WDCP: variants seen among roughly 807,000 people sequenced by gnomAD.
WDCP encodes the protein WD repeat and coiled coil containing.
A neutral mutation model predicts 41.6 loss-of-function variants in WDCP; 19 were observed. The observed-to-expected ratio is 0.46, with a 90% CI of 0.32 to 0.67. WDCP has a LOEUF of 0.67. WDCP is among the 30% of genes least tolerant of loss of function. The probability of loss-of-function intolerance (pLI) is 0.04; values close to 1 mark genes in which losing one functional copy is unlikely to be tolerated. For missense variants in WDCP, 802 were observed against 850.7 expected (o/e 0.94, Z 0.71); for synonymous variants, 302 against 320.8 (o/e 0.94, Z 0.63).
chr2:24,039,590 G>T, intron 1 of WDCP, 78 bp from the exon 2 acceptor site: 2 of 1,308,660 alleles, frequency 1.5e-6, no homozygotes, highest in Non-Finnish European at 2.1e-6. Flanking sequence ...GTAAGACAAC[G>T]GCTTAGCCCC....
At chr2:24,035,629 CTA>C (rs1276070785) in intron 2 of WDCP, among the ~76,000 whole-genome samples, 1 of 152,000 alleles carries the variant, frequency 6.6e-6, no homozygotes, top group Non-Finnish European at 1.5e-5. Flanking sequence ...AAAATCAAAA[CTA>C]TGGCTGGGTG....
At chr2:24,045,631 G>GAGAGAGGAAGGAAGGAAGGAAGGAAGGA (rs1553318652) in intron 1 of WDCP, among the ~76,000 whole-genome samples, 11 of 106,152 alleles carry the variant, frequency 1.0e-4, no homozygotes, top group African/African-American at 1.4e-4. Flanking sequence ...GAGAGAGAGA[G>GAGAGAGGAAGGAAGGAAGGAAGGAAGGA]AGGAAGGAAG....
intron 2 of WDCP, among the ~76,000 whole-genome samples, chr2:24,034,717 G>T (rs1212228924): frequency 6.6e-6 from 1 of 151,942 alleles, no homozygotes; most frequent in Admixed American, 6.6e-5. Context: ...GGGAAAACAG[G>T]TGGGTGCCAT....
chr2:24,038,306 GGTCT>G lies in WDCP; in HGVS notation c.1185_1188del (p.Asp396AsnfsTer4), dbSNP rs1271639531. The G allele has an allele frequency of 1.9e-6, 3 of 1,614,036 alleles. No homozygotes were observed. The highest frequency in any genetic ancestry group is 2.5e-6 in the Non-Finnish European group (3 of 1,180,030). On this transcript the variant is annotated frameshift_variant, in exon 2 of 4. Coordinates refer to ENST00000295148, the MANE Select transcript of WDCP (RefSeq NM_025203.3). LOFTEE classifies it high-confidence loss of function. Reference sequence around the variant, plus strand: ...TTTCCTACCAAAATTAGTAATAGTTGGTCTGTCAAGAAACATATCCCTTTTGGTC... The same window carrying G: ...TTTCCTACCAAAATTAGTAATAGTTGGTCAAGAAACATATCCCTTTTGGTC...
intron 2 of WDCP, among the ~76,000 whole-genome samples, chr2:24,034,543 A>T (rs1663183140): frequency 6.6e-6 from 1 of 152,080 alleles, no homozygotes; most frequent in Middle Eastern, 3.4e-3. Flanking sequence ...ATTATAAACT[A>T]AAAAACTGAG....
At chr2:24,033,023 A>G in intron 2 of WDCP, 77 bp from the exon 3 acceptor site, 8 of 979,360 alleles carry the variant, frequency 8.2e-6, no homozygotes, top group Non-Finnish European at 1.1e-5. Context: ...AGGAATGTGT[A>G]AATAGTTTTT....
At chr2:24,040,883 G>C (rs540057606) in intron 1 of WDCP, among the ~76,000 whole-genome samples, 2 of 152,092 alleles carry the variant, frequency 1.3e-5, no homozygotes, top group East Asian at 3.9e-4. Context: ...AAGTGTGGTG[G>C]TGCATGCCTA....
chr2:24,031,194 A>C (rs1438781323), intron 3 of WDCP, 32 bp from the exon 4 acceptor site: 1 of 1,501,480 alleles, frequency 6.7e-7, no homozygotes. Context: ...CAGGCAATTT[A>C]GTATATATTA....
At chr2:24,045,417 C>A (rs1663580113) in intron 1 of WDCP, among the ~76,000 whole-genome samples, 1 of 151,794 alleles carries the variant, frequency 6.6e-6, no homozygotes, top group South Asian at 2.1e-4. Context: ...CCCTGGCCAA[C>A]ATGGTGAAAC....
intron 1 of WDCP, among the ~76,000 whole-genome samples, chr2:24,044,400 A>G (rs975253208): frequency 1.3e-5 from 2 of 151,906 alleles, no homozygotes; most frequent in African/African-American, 2.4e-5. Flanking sequence ...CTCCCAAGGA[A>G]CTGGGATAGG....
chr2:24,035,647 G>A (rs979835736), intron 2 of WDCP, among the ~76,000 whole-genome samples: 14 of 152,184 alleles, frequency 9.2e-5, no homozygotes, highest in Non-Finnish European at 1.3e-4. Context: ...GGGTGCAGTG[G>A]CTCACACCTG....
At chr2:24,033,028 G>T in intron 2 of WDCP, 82 bp from the exon 3 acceptor site, 3 of 943,488 alleles carry the variant, frequency 3.2e-6, no homozygotes, top group Non-Finnish European at 5.1e-6. Flanking sequence ...TGTGTAAATA[G>T]TTTTTTAAAA....
chr2:24,046,921 T>C (rs1241936946), intron 1 of WDCP, among the ~76,000 whole-genome samples: 1 of 152,118 alleles, frequency 6.6e-6, no homozygotes, highest in Non-Finnish European at 1.5e-5. Context: ...AAATTAGTTT[T>C]AGAGGCCACT....
chr2:24,035,414 A>G (rs1369645946), intron 2 of WDCP, among the ~76,000 whole-genome samples: 1 of 152,148 alleles, frequency 6.6e-6, no homozygotes. Flanking sequence ...AAAGGAGGAA[A>G]GGAGAACAGG....
At chr2:24,034,738 T>C (rs1663191492) in intron 2 of WDCP, among the ~76,000 whole-genome samples, 1 of 152,048 alleles carries the variant, frequency 6.6e-6, no homozygotes, top group South Asian at 2.1e-4. Context: ...CACGGCTGGC[T>C]AATTTTTGTA....
chr2:24,039,825 C>A (rs1663371290), intron 1 of WDCP, among the ~76,000 whole-genome samples: 1 of 151,410 alleles, frequency 6.6e-6, no homozygotes, highest in Non-Finnish European at 1.5e-5. Context: ...GAGACGGAGT[C>A]TCACTCTTGT....
Position 24,036,953 on chromosome 2 carries a change from T to C in WDCP, c.1818+724A>G, listed in dbSNP as rs1333930285. On this transcript the variant is annotated intron_variant, in intron 2 of 3. Transcript: ENST00000295148. ...AAAGTGTCCATGATAAAAACATGTA[T>C]AATATGATCCCACTTATATAATGTT... Among the ~76,000 whole-genome samples, 3 of 152,230 alleles carry C rather than the reference T, an allele frequency of 2.0e-5. No individual in the cohort carries two copies. The East Asian group carries it at 5.8e-4, about 29-fold the overall frequency.
chr2:24,040,945 G>A (rs1268679683), intron 1 of WDCP, among the ~76,000 whole-genome samples: 1 of 152,174 alleles, frequency 6.6e-6, no homozygotes, highest in African/African-American at 2.4e-5. Context: ...GAACTGGGGA[G>A]GCAGAGGCTA....
intron 3 of WDCP, among the ~76,000 whole-genome samples, 153 bp downstream of exon 3, chr2:24,032,676 G>A (rs980502656): frequency 2.0e-5 from 3 of 152,028 alleles, no homozygotes; most frequent in Non-Finnish European, 4.4e-5. Context: ...GCAAGACCCT[G>A]TCTCAATAAT....
Sources: allele counts gnomAD v4.1 joint callset (sites outside exome capture counted in the v4.1 genomes callset), GRCh38; gene constraint gnomAD v4.1.1; transcripts MANE v1.5; gene names NCBI Gene and HGNC (gene_info 2026-07-23, HGNC 2026-07-21).